The following DCAF13 variants were observed in gnomAD, a reference collection of about 807,000 sequenced individuals.
DCAF13 encodes DDB1 and CUL4 associated factor 13, also known as DDB1- and CUL4-associated factor 13.
DCAF13 carries 38 observed loss-of-function variants against 59.0 expected under a neutral mutation model. The ratio of observed to expected loss-of-function variants is 0.64; its 90% CI spans 0.50 to 0.84. DCAF13 has a LOEUF of 0.84. Ranked by LOEUF, DCAF13 falls within the 40% of genes least tolerant of loss-of-function variation. The probability of loss-of-function intolerance (pLI) is 0.00; values close to 1 mark genes in which losing one functional copy is unlikely to be tolerated. For missense variants in DCAF13, 469 were observed against 558.4 expected (o/e 0.84, Z 1.61); for synonymous variants, 173 against 175.0 (o/e 0.99, Z 0.09).
intron 1 of DCAF13, among the ~76,000 whole-genome samples, chr8:103,416,747 T>C (rs1348673462): frequency 6.6e-6 from 1 of 152,256 alleles, no homozygotes; most frequent in Non-Finnish European, 1.5e-5. Context: ...ATCATGTTCG[T>C]GTATGCACTG....
intron 3 of DCAF13, among the ~76,000 whole-genome samples, chr8:103,425,077 CTT>C: frequency 6.6e-6 from 1 of 152,212 alleles, no homozygotes; most frequent in Middle Eastern, 3.4e-3. Flanking sequence ...AAGCGTTTTC[CTT>C]TTTGAATTTG....
intron 8 of DCAF13, chr8:103,439,822 A>T (rs758905669): frequency 4.3e-4 from 73 of 168,630 alleles, no homozygotes; most frequent in Admixed American, 2.0e-3. Context: ...TTGGTTGAAC[A>T]TCATATTTTA....
chr8:103,434,547 GGT>G lies in DCAF13; in HGVS notation c.786-1076_786-1075del, dbSNP rs1816908430. ...TTAACCTTGATCATTTGGTTAGGGT[GGT>G]GTCTGCCAGGTTTCTCCACTAAAGA... On this transcript the variant is annotated intron_variant, in intron 7 of 10. Transcript: ENST00000612750. Among the ~76,000 whole-genome samples, 5 of 152,064 alleles carry G rather than the reference GGT, an allele frequency of 3.3e-5. No homozygotes were observed. In the South Asian group the frequency reaches 8.3e-4, roughly 25 times the overall value.
At chr8:103,416,871 G>C (rs767769166) in intron 1 of DCAF13, among the ~76,000 whole-genome samples, 12 of 152,044 alleles carry the variant, frequency 7.9e-5, no homozygotes, top group Non-Finnish European at 1.6e-4. Context: ...ATCTTGTTGG[G>C]GTTTTTAAAC....
At chr8:103,415,581 C>T in intron 1 of DCAF13, 65 bp downstream of exon 1, 1 of 1,490,696 alleles carries the variant, frequency 6.7e-7, no homozygotes, top group South Asian at 1.3e-5. Context: ...CCTCGGCTTT[C>T]GCGGAGTAAA....
In DCAF13 at chr8:103,420,432, C is replaced by T; in HGVS notation, c.239C>T (p.Ala80Val). ...TTGGCAAAGCATCCAGAGAAGCTGG[C>T]TACTGTCCTTTCTGGGGCGTGTGAT... ...NCLAKHPEKL[A>V]TVLSGACDGE... The change falls in exon 2 of 11, where the codon GCT (alanine) becomes GTT (valine). Residue 80 changes from alanine (A) to valine (V), a missense_variant. By Grantham distance (64) the Ala-to-Val change is moderately conservative. Transcript: ENST00000612750. 6.2e-7 allele frequency: 1 copy of T among 1,613,986 alleles called. No homozygotes were observed.
intron 3 of DCAF13, among the ~76,000 whole-genome samples, chr8:103,424,566 C>T (rs906175271): frequency 1.3e-5 from 2 of 152,228 alleles, no homozygotes; most frequent in African/African-American, 4.8e-5. Flanking sequence ...TGTTCGGCTA[C>T]TCATTTCTAT....
rs770091405 is a variant in DCAF13, at chr8:103,421,010, C to G, written c.306C>G (p.Ile102Met). 3 of 1,613,258 alleles carry G rather than the reference C, an allele frequency of 1.9e-6. No homozygotes were observed. The highest frequency in any genetic ancestry group is 2.5e-6 in the Non-Finnish European group (3 of 1,179,400). ...RIWNLTQRNCIRTIQAHEGFV... is the reference protein window; with the variant it reads ...RIWNLTQRNCMRTIQAHEGFV... ...GGAATCTAACTCAGCGGAATTGTATCCGTACAATACAAGCACATGAAGGCT... is the reference window on the plus strand; with the variant it reads ...GGAATCTAACTCAGCGGAATTGTATGCGTACAATACAAGCACATGAAGGCT... Residue 102 changes from isoleucine to methionine, a missense_variant, in exon 3 of 11, where the codon ATC (isoleucine) becomes ATG (methionine). Physicochemically the swap from Ile to Met is conservative, Grantham distance 10. Around this residue, in one of 3 missense-constraint regions of DCAF13, gnomAD observed 355 missense variants for 399.1 expected, o/e 0.89. Transcript: ENST00000612750.
At chr8:103,440,687 CA>C (rs1193473545) in intron 9 of DCAF13, 2 of 152,802 alleles carry the variant, frequency 1.3e-5, no homozygotes, top group African/African-American at 4.8e-5. Flanking sequence ...ATCAAAGACA[CA>C]ATGGAACATT....
intron 6 of DCAF13, among the ~76,000 whole-genome samples, chr8:103,430,919 T>G (rs1816855018): frequency 6.6e-6 from 1 of 152,192 alleles, no homozygotes; most frequent in Non-Finnish European, 1.5e-5. Context: ...ACCTTGTGTC[T>G]TCCATGATGC....
In DCAF13 at chr8:103,432,669, A is replaced by G. The variant is rs1272377833; in HGVS notation, c.713A>G (p.Asp238Gly). 2 of 1,591,262 alleles carry G rather than the reference A, an allele frequency of 1.3e-6. No homozygotes were observed. The highest frequency in any genetic ancestry group is 1.7e-5 in the Admixed American group (1 of 59,452). ...TTCTTCCTTTCTCAGGTTATCTTAG[A>G]TATGAGAACAAATACAATCTGTTGG... is the stretch of plus-strand genomic sequence containing the variant. ...QATPLKKVIL[D>G]MRTNTICWNP... is the part of the protein sequence containing the mutation. Residue 238 changes from aspartate to glycine, a missense_variant, in exon 7 of 11, where the codon GAT becomes GGT. Transcript: ENST00000612750.
At chr8:103,441,858 C>G (rs1415979398) in intron 10 of DCAF13, 1 of 400,764 alleles carries the variant, frequency 2.5e-6, no homozygotes, top group Non-Finnish European at 4.4e-6. Context: ...CTCCGCCTCC[C>G]GGGTTCATGC....
intron 10 of DCAF13, 192 bp from the exon 11 acceptor site, chr8:103,442,603 A>T: frequency 2.3e-6 from 1 of 430,720 alleles, no homozygotes; most frequent in Non-Finnish European, 4.1e-6. Flanking sequence ...TATTAGGTAA[A>T]TATGATAAGA....
chr8:103,426,704 A>C (rs1279285167), intron 4 of DCAF13, among the ~76,000 whole-genome samples: 1 of 152,170 alleles, frequency 6.6e-6, no homozygotes, highest in East Asian at 1.9e-4. Flanking sequence ...AAACAATTCC[A>C]AAATTAGATT....
chr8:103,422,148 C>T (rs1035368724), intron 3 of DCAF13, among the ~76,000 whole-genome samples: 1 of 152,144 alleles, frequency 6.6e-6, no homozygotes, highest in Non-Finnish European at 1.5e-5. Context: ...GGTTTGACAA[C>T]TGAGAGGTGC....
chr8:103,441,509 T>C lies in DCAF13; in HGVS notation c.1141T>C (p.Phe381Leu), dbSNP rs1455811003. The C allele has an allele frequency of 6.2e-7, 1 of 1,600,698 alleles. No homozygotes were observed. Among genetic ancestry groups the C allele is most frequent in the Non-Finnish European group, 8.5e-7 (1 of 1,176,854 alleles). The change falls in exon 10 of 11, where the codon TTT (phenylalanine) becomes CTT (leucine). Residue 381 changes from phenylalanine (F) to leucine (L), a missense_variant. Physicochemically the swap from Phe to Leu is conservative, Grantham distance 22 (BLOSUM62 0). This residue lies in a region of DCAF13 where 84 missense variants were observed against 92.3 expected (regional missense o/e 0.91). Coordinates refer to ENST00000612750, the MANE Select transcript of DCAF13 (RefSeq NM_015420.7). The part of the protein sequence containing the change: ...KDYNQKLKEK[F>L]QHYPHIKRIA... ...TTATAACCAGAAATTGAAGGAGAAATTTCAGCATTATCCTCATATAAAACG... is the reference window on the plus strand; with the variant it reads ...TTATAACCAGAAATTGAAGGAGAAACTTCAGCATTATCCTCATATAAAACG...
chr8:103,419,387 T>G (rs1816691238), intron 1 of DCAF13, among the ~76,000 whole-genome samples: 1 of 152,184 alleles, frequency 6.6e-6, no homozygotes, highest in South Asian at 2.1e-4. Context: ...CTGTGGAGAT[T>G]AAACGGTTAA....
At chr8:103,433,008 A>G (rs998928792) in intron 7 of DCAF13, among the ~76,000 whole-genome samples, 15 of 152,116 alleles carry the variant, frequency 9.9e-5, no homozygotes, top group African/African-American at 3.1e-4. Context: ...ATAAAGTTTT[A>G]TTGGAATATG....
At chr8:103,428,687 GA>G (rs1816824259) in intron 5 of DCAF13, 1 of 151,700 alleles carries the variant, frequency 6.6e-6, no homozygotes, top group Non-Finnish European at 1.5e-5. Context: ...CCAAATTCAA[GA>G]TGGTGACGGT....
Sources: gnomAD v4.1 joint callset for allele counts (sites outside exome capture counted in the v4.1 genomes callset) on GRCh38, gnomAD v4.1.1 for gene constraint, gnomAD v4.1.1 regional missense constraint, MANE v1.5 for transcripts, NCBI Gene and HGNC (gene_info 2026-07-23, HGNC 2026-07-21) for gene names.